Variants in SLIT3 observed in about 807,000 individuals in gnomAD.
SLIT3 encodes slit guidance ligand 3, also known as slit homolog 3 protein.
In SLIT3, 68 loss-of-function variants were observed where a neutral mutation model predicts 184.0. That is an observed-to-expected ratio of 0.37 (90% CI 0.30 to 0.45). The LOEUF is 0.45. SLIT3 is among the 20% of genes least tolerant of loss of function. The pLI, the probability that SLIT3 is intolerant of heterozygous loss-of-function variation, is 1.00. For synonymous variants in SLIT3, 831 were observed against 828.6 expected (o/e 1.00, Z -0.05); for missense variants, 1,707 against 2,026.0 (o/e 0.84, Z 3.02).
intron 6 of SLIT3, among the ~76,000 whole-genome samples, chr5:168,842,484 TTTTG>T (rs1297330190): frequency 6.7e-6 from 1 of 148,418 alleles, no homozygotes; most frequent in African/African-American, 2.6e-5. Flanking sequence ...TTTTTTTTTT[TTTTG>T]TATCTGAGTA....
intron 1 of SLIT3, among the ~76,000 whole-genome samples, chr5:169,278,091 A>G (rs1461229174): frequency 1.3e-5 from 2 of 152,212 alleles, no homozygotes; most frequent in African/African-American, 4.8e-5. Flanking sequence ...CAATATTGTA[A>G]TATTCCTTTG....
At chr5:168,853,910 T>A (rs772007439) in intron 5 of SLIT3, among the ~76,000 whole-genome samples, 5 of 152,208 alleles carry the variant, frequency 3.3e-5, no homozygotes, top group Admixed American at 6.5e-5. Context: ...AAAGGCCACA[T>A]CTTCTAGGAG....
In SLIT3 at chr5:168,687,112, C is replaced by G; in HGVS notation, c.3181G>C (p.Glu1061Gln). The G allele has an allele frequency of 6.2e-7, 1 of 1,613,714 alleles. No homozygotes were observed. ...CIPLDKGFSC[E>Q]CVPGYSGKLC... ...TTCCCGCTGTAGCCAGGGACACACT[C>G]GCAGCTGGAACATAGGCAGAGGCAA... Residue 1061 changes from glutamate (E) to glutamine (Q), a missense_variant, in exon 30 of 36, where the codon GAG becomes CAG. By Grantham distance (29) the Glu-to-Gln change is conservative. Coordinates refer to ENST00000519560, the MANE Select transcript of SLIT3 (RefSeq NM_003062.4).
In SLIT3 at chr5:168,748,395, G is replaced by A; in HGVS notation, c.2177C>T (p.Pro726Leu). The A allele has an allele frequency of 3.3e-6, 5 of 1,521,570 alleles. No individual in the cohort carries two copies. The highest frequency in any genetic ancestry group is 4.4e-6 in the Non-Finnish European group (5 of 1,146,420). The allele number at this position is 1,521,570 out of a possible 1,614,324, so 94.3% of individuals were successfully genotyped here. ...ESSCQLSPRC[P>L]EQCTCMETVV... ...TGTCTCCATACAGGTGCACTGCTCC[G>A]GGCAGCGCGGGCTCAGCTGGCAGCT... The change falls in exon 20 of 36, where the codon CCG (proline) becomes CTG (leucine). Residue 726 changes from proline (P) to leucine (L), a missense_variant. Pro to Leu is a moderately conservative substitution (Grantham distance 98). Around this residue, in one of 3 missense-constraint regions of SLIT3, gnomAD observed 1,307 missense variants for 1,511.6 expected, o/e 0.86. Transcript: ENST00000519560.
intron 4 of SLIT3, among the ~76,000 whole-genome samples, chr5:169,149,124 A>T (rs1762031024): frequency 6.6e-6 from 1 of 152,232 alleles, no homozygotes; most frequent in Non-Finnish European, 1.5e-5. Flanking sequence ...GCCACAAGCT[A>T]GTCCGATCTC....
chr5:168,789,834 A>C, intron 10 of SLIT3: 3 of 542,434 alleles, frequency 5.5e-6, no homozygotes, highest in Non-Finnish European at 9.8e-6. Flanking sequence ...CCACATTTAC[A>C]TCACTCTTCT....
At chr5:169,006,595 T>A (rs144685476) in intron 4 of SLIT3, among the ~76,000 whole-genome samples, 4,922 of 148,574 alleles carry the variant, frequency 0.033, 108 homozygotes, top group Middle Eastern at 0.059. Flanking sequence ...TCTCTCTCTC[T>A]CTCTCTCTCT....
intron 4 of SLIT3, among the ~76,000 whole-genome samples, chr5:169,124,906 G>A (rs1034684950): frequency 2.0e-5 from 3 of 152,074 alleles, no homozygotes; most frequent in Non-Finnish European, 4.4e-5. Context: ...GCATCCCCTT[G>A]TAACAGAAAT....
chr5:168,877,603 C>G (rs759090836), intron 5 of SLIT3, among the ~76,000 whole-genome samples: 1 of 152,152 alleles, frequency 6.6e-6, no homozygotes, highest in Non-Finnish European at 1.5e-5. Context: ...ACCTGCTCAC[C>G]GGGGCGGAGA....
intron 4 of SLIT3, among the ~76,000 whole-genome samples, chr5:168,972,565 C>A (rs756269410): frequency 6.6e-6 from 1 of 151,920 alleles, no homozygotes; most frequent in Non-Finnish European, 1.5e-5. Context: ...CACCTCTGAG[C>A]CTTGGTTTTC....
intron 4 of SLIT3, among the ~76,000 whole-genome samples, chr5:168,887,319 G>A (rs1431834122): frequency 6.6e-6 from 1 of 152,128 alleles, no homozygotes. Context: ...AGTTGGTGGA[G>A]GGAATTTGAT....
chr5:168,809,725 A>C (rs1757103504), intron 8 of SLIT3, among the ~76,000 whole-genome samples: 1 of 152,358 alleles, frequency 6.6e-6, no homozygotes, highest in South Asian at 2.1e-4. Context: ...CGGACCCATA[A>C]GCATACCTTG....
At chr5:169,261,529 T>A (rs1766177694) in intron 1 of SLIT3, among the ~76,000 whole-genome samples, 1 of 151,668 alleles carries the variant, frequency 6.6e-6, no homozygotes, top group Admixed American at 6.6e-5. Flanking sequence ...TCCCTCCCCA[T>A]CTCCTTTCCT....
At chr5:169,124,811 T>C (rs1289330565) in intron 4 of SLIT3, among the ~76,000 whole-genome samples, 1 of 152,072 alleles carries the variant, frequency 6.6e-6, no homozygotes, top group Non-Finnish European at 1.5e-5. Context: ...CGATGTGGTA[T>C]TGTGCTGTAC....
At chr5:168,754,591 C>T (rs1415254757) in intron 16 of SLIT3, among the ~76,000 whole-genome samples, 2 of 152,038 alleles carry the variant, frequency 1.3e-5, no homozygotes, top group East Asian at 1.9e-4. Flanking sequence ...TAGTTAACAA[C>T]AATATGTATT....
chr5:169,270,556 G>A lies in SLIT3; in HGVS notation c.198-19097C>T, dbSNP rs190234455. On this transcript the variant is annotated intron_variant, in intron 1 of 35. Transcript: ENST00000519560. ...ATACATTGTCTATGGCTGCCTTCACGCGACAGGGGCAGAGTTGTGTAGCTG... is the reference window on the plus strand; with the variant it reads ...ATACATTGTCTATGGCTGCCTTCACACGACAGGGGCAGAGTTGTGTAGCTG... 6.7e-3 allele frequency among the ~76,000 whole-genome samples: 1,015 copies of A among 152,236 alleles called. 4 individuals carry two copies. Among genetic ancestry groups the A allele is most frequent in the Non-Finnish European group, 0.011 (760 of 68,016 alleles).
intron 7 of SLIT3, 121 bp from the exon 8 acceptor site, chr5:168,817,584 GC>G: frequency 1.1e-6 from 1 of 885,012 alleles, no homozygotes; most frequent in Non-Finnish European, 1.7e-6. Flanking sequence ...ATCCCTAGGA[GC>G]CCAGGGAAGC....
At chr5:168,966,888 T>G (rs1763213590) in intron 4 of SLIT3, among the ~76,000 whole-genome samples, 1 of 152,220 alleles carries the variant, frequency 6.6e-6, no homozygotes, top group South Asian at 2.1e-4. Context: ...TGTCTTTCAG[T>G]TGAGCAATTT....
intron 4 of SLIT3, among the ~76,000 whole-genome samples, chr5:168,979,693 C>A (rs1754886675): frequency 6.6e-6 from 1 of 152,128 alleles, no homozygotes; most frequent in African/African-American, 2.4e-5. Context: ...CTGAAGGATT[C>A]CCAAGGTGCT....
Sources: allele counts gnomAD v4.1 joint callset (sites outside exome capture counted in the v4.1 genomes callset), GRCh38; gene constraint gnomAD v4.1.1; regional missense constraint gnomAD v4.1.1; transcripts MANE v1.5; gene names NCBI Gene and HGNC (gene_info 2026-07-23, HGNC 2026-07-21).